Variants in EPHB1 observed in about 807,000 individuals in gnomAD.
EPHB1 encodes EPH receptor B1.
Under a neutral mutation model 94.4 loss-of-function variants are expected in EPHB1, and 30 were observed. That is an observed-to-expected ratio of 0.32 (90% confidence interval 0.24 to 0.43). The LOEUF (loss-of-function observed/expected upper bound fraction) is 0.43. Among genes scored for constraint, EPHB1 ranks in the 20% least tolerant of loss-of-function variants. EPHB1 has a pLI of 1.00. For synonymous variants in EPHB1, 522 were observed against 489.1 expected, an observed-to-expected ratio of 1.07 and a Z score of -0.89; for missense variants, 1,055 against 1,308.3, an observed-to-expected ratio of 0.81 and a Z score of 2.99.
intron 3 of EPHB1, among the ~76,000 whole-genome samples, chr3:135,077,484 C>G (rs1337277924): frequency 6.6e-6 from 1 of 152,210 alleles, no homozygotes; most frequent in Non-Finnish European, 1.5e-5. Flanking sequence ...CCTAGGTCCT[C>G]TGATGAGCAT....
intron 3 of EPHB1, among the ~76,000 whole-genome samples, chr3:135,012,947 T>C (rs1412593219): frequency 1.3e-5 from 2 of 152,218 alleles, no homozygotes; most frequent in East Asian, 1.9e-4. Flanking sequence ...ACATATTTTA[T>C]TGAAAACCAG....
At chr3:134,995,273 T>C (rs545387989) in intron 3 of EPHB1, among the ~76,000 whole-genome samples, 1 of 152,304 alleles carries the variant, frequency 6.6e-6, no homozygotes, top group South Asian at 2.1e-4. Flanking sequence ...CTCAACATAA[T>C]CTCAACCTGG....
At chr3:135,177,637 C>A (rs1001251114) in intron 9 of EPHB1, among the ~76,000 whole-genome samples, 1 of 152,202 alleles carries the variant, frequency 6.6e-6, no homozygotes, top group Admixed American at 6.5e-5. Context: ...TATAGGCTGC[C>A]TTCCTTTCCC....
At chr3:135,164,806 C>CAAAAAAAA (rs59870139) in intron 7 of EPHB1, among the ~76,000 whole-genome samples, 1 of 86,374 alleles carries the variant, frequency 1.2e-5, no homozygotes, top group Non-Finnish European at 2.2e-5. Context: ...AAGACTGTCT[C>CAAAAAAAA]AAAAAAAAAA....
chr3:134,919,324 G>T (rs368111803), intron 1 of EPHB1, among the ~76,000 whole-genome samples: 7 of 152,202 alleles, frequency 4.6e-5, no homozygotes, highest in African/African-American at 1.7e-4. Flanking sequence ...GTTGTGGAAA[G>T]TTTGCTTGGA....
chr3:135,045,777 A>G (rs1292469130), intron 3 of EPHB1, among the ~76,000 whole-genome samples: 1 of 152,220 alleles, frequency 6.6e-6, no homozygotes, highest in Non-Finnish European at 1.5e-5. Flanking sequence ...TGACCAAATC[A>G]AGCCAGAGGT....
At chr3:135,090,254 G>T (rs916390011) in intron 3 of EPHB1, among the ~76,000 whole-genome samples, 2 of 152,198 alleles carry the variant, frequency 1.3e-5, no homozygotes, top group Admixed American at 6.5e-5. Context: ...CAAAAGGAGG[G>T]TGTCCTCCCT....
At position 135,137,519 on chromosome 3, in the gene EPHB1, C is replaced by T. The variant is rs146714374; in HGVS notation, c.1297+4470C>T. Among the ~76,000 whole-genome samples, 238 of 152,246 alleles carry T rather than the reference C, an allele frequency of 1.6e-3. 3 individuals carry two copies. The highest frequency in any genetic ancestry group is 5.0e-3 in the African/African-American group (206 of 41,542). On this transcript the variant is annotated intron_variant, in intron 5 of 15. Coordinates refer to ENST00000398015, the MANE Select transcript of EPHB1 (RefSeq NM_004441.5). ...TCTGTTTTCCATTCTCATTCCACCA[C>T]GGGGCAGTCATCTTCCTCACCTCTG...
rs191537336 is a variant in EPHB1, at chr3:135,094,268, G to A, written c.806-12180G>A. ...CCTCCATGCTGATCATTTCAAGGTT[G>A]TAAGAGCCTTGGAGAGTGAAGGACC... On this transcript the variant is annotated intron_variant, in intron 3 of 15. Coordinates refer to ENST00000398015, the MANE Select transcript of EPHB1 (RefSeq NM_004441.5). 5.2e-3 allele frequency among the ~76,000 whole-genome samples: 792 copies of A among 152,298 alleles called. 5 individuals carry two copies. The highest frequency in any genetic ancestry group is 0.016 in the African/African-American group (679 of 41,568).
intron 1 of EPHB1, among the ~76,000 whole-genome samples, chr3:134,879,136 T>C (rs2037677102): frequency 6.6e-6 from 1 of 152,176 alleles, no homozygotes; most frequent in South Asian, 2.1e-4. Context: ...CCTCCTCCCC[T>C]TTTGCAGGAG....
At chr3:134,852,986 G>T (rs551334051) in intron 1 of EPHB1, among the ~76,000 whole-genome samples, 8 of 152,256 alleles carry the variant, frequency 5.3e-5, no homozygotes, top group Non-Finnish European at 1.0e-4. Flanking sequence ...AGGGCAGGTG[G>T]GGTCACTGCC....
intron 3 of EPHB1, among the ~76,000 whole-genome samples, chr3:135,058,800 A>C (rs1191148376): frequency 6.6e-6 from 1 of 152,236 alleles, no homozygotes; most frequent in African/African-American, 2.4e-5. Context: ...ATGTTCATAC[A>C]GATGAGCGGC....
intron 1 of EPHB1, among the ~76,000 whole-genome samples, chr3:134,837,210 T>C (rs2036687533): frequency 6.6e-6 from 1 of 152,206 alleles, no homozygotes; most frequent in African/African-American, 2.4e-5. Flanking sequence ...TTGTAAATCT[T>C]CTCTTTAAAA....
intron 2 of EPHB1, among the ~76,000 whole-genome samples, chr3:134,929,782 T>C (rs1246246778): frequency 2.0e-5 from 3 of 152,162 alleles, no homozygotes; most frequent in Non-Finnish European, 4.4e-5. Context: ...GAGTGGTTCA[T>C]GGTGTGAGCT....
chr3:134,929,592 A>G (rs534352014), intron 2 of EPHB1, among the ~76,000 whole-genome samples: 26 of 152,320 alleles, frequency 1.7e-4, no homozygotes, highest in African/African-American at 5.5e-4. Flanking sequence ...ATTTCATGAC[A>G]TATACCCCAC....
intron 3 of EPHB1, among the ~76,000 whole-genome samples, chr3:135,100,664 T>C (rs1046192088): frequency 3.3e-5 from 5 of 152,152 alleles, no homozygotes; most frequent in Non-Finnish European, 7.3e-5. Flanking sequence ...TCAGTGTCAC[T>C]GGAAGTCTGT....
At chr3:134,800,647 G>C (rs2035918678) in intron 1 of EPHB1, among the ~76,000 whole-genome samples, 1 of 152,186 alleles carries the variant, frequency 6.6e-6, no homozygotes, top group African/African-American at 2.4e-5. Flanking sequence ...TTCTAAACCA[G>C]GTTACAGTCA....
At chr3:135,032,469 A>G (rs546189855) in intron 3 of EPHB1, among the ~76,000 whole-genome samples, 22 of 152,050 alleles carry the variant, frequency 1.4e-4, no homozygotes, top group Admixed American at 4.6e-4. Context: ...ATTTTCTTCA[A>G]TTATCTGCTT....
chr3:134,916,564 C>G (rs1029253553), intron 1 of EPHB1, among the ~76,000 whole-genome samples: 2 of 152,232 alleles, frequency 1.3e-5, no homozygotes, highest in African/African-American at 4.8e-5. Flanking sequence ...GCTGGCACTT[C>G]TGGGGGACCT....
Sources: gnomAD v4.1 joint callset for allele counts (sites outside exome capture counted in the v4.1 genomes callset) on GRCh38, gnomAD v4.1.1 for gene constraint, MANE v1.5 for transcripts, NCBI Gene and HGNC (gene_info 2026-07-23, HGNC 2026-07-21) for gene names.